TESC: variants seen among roughly 807,000 people sequenced by gnomAD.
TESC encodes tescalcin, also known as calcineurin B homologous protein 3.
A neutral mutation model predicts 31.0 loss-of-function variants in TESC; 19 were observed. The ratio of observed to expected loss-of-function variants is 0.61; its 90% CI spans 0.43 to 0.90. The LOEUF (loss-of-function observed/expected upper bound fraction) is 0.90, where lower values mean the gene tolerates loss of function less well. TESC is among the 40% of genes least tolerant of loss of function. The pLI is 0.00. For missense variants in TESC, 248 were observed against 303.8 expected (o/e 0.82, Z 1.36); for synonymous variants, 109 against 114.8 (o/e 0.95, Z 0.32).
At chr12:117,088,177 T>C (rs1418849243) in intron 1 of TESC, among the ~76,000 whole-genome samples, 1 of 152,172 alleles carries the variant, frequency 6.6e-6, no homozygotes, top group African/African-American at 2.4e-5. Flanking sequence ...ACATATCATT[T>C]ATGTAATTAG....
intron 7 of TESC, 89 bp from the exon 8 acceptor site, chr12:117,039,299 C>A (rs2270794): frequency 8.1e-7 from 1 of 1,241,492 alleles, no homozygotes; most frequent in Admixed American, 2.0e-5. Context: ...TTCCCACCTA[C>A]CGTCTCCTGC....
chr12:117,075,086 C>T (rs1955028884), intron 2 of TESC, among the ~76,000 whole-genome samples, 185 bp downstream of exon 2: 1 of 152,192 alleles, frequency 6.6e-6, no homozygotes, highest in African/African-American at 2.4e-5. Flanking sequence ...GCAGAGCTTG[C>T]AGTGAGCCGA....
At chr12:117,065,365 G>C (rs1352713099) in intron 2 of TESC, among the ~76,000 whole-genome samples, 1 of 152,194 alleles carries the variant, frequency 6.6e-6, no homozygotes, top group Non-Finnish European at 1.5e-5. Context: ...GGCAGTGTTT[G>C]CTGATGAACT....
At chr12:117,056,697 C>G (rs559532686) in intron 3 of TESC, 109 bp downstream of exon 3, 1 of 1,249,798 alleles carries the variant, frequency 8.0e-7, no homozygotes, top group East Asian at 2.3e-5. Context: ...CAGCTTGGCC[C>G]CCTCTTCTGG....
intron 1 of TESC, among the ~76,000 whole-genome samples, chr12:117,079,178 A>G (rs1278147166): frequency 6.6e-6 from 1 of 152,072 alleles, no homozygotes; most frequent in Non-Finnish European, 1.5e-5. Flanking sequence ...CTCCTTTTGT[A>G]TGATCACTTA....
At chr12:117,039,500 T>C (rs1433382529) in intron 7 of TESC, among the ~76,000 whole-genome samples, 1 of 152,234 alleles carries the variant, frequency 6.6e-6, no homozygotes, top group African/African-American at 2.4e-5. Flanking sequence ...TCCAAGGCAT[T>C]TGAATCTCAC....
Position 117,038,991 on chromosome 12 carries a change from A to T in TESC, c.*142T>A, listed in dbSNP as rs969803005. 8 of 821,462 alleles carry T rather than the reference A, an allele frequency of 9.7e-6. No individual in the cohort carries two copies. In the Admixed American group the frequency reaches 1.6e-4, roughly 16 times the overall value. The allele number at this position is 821,462 out of a possible 1,614,324, so 50.9% of individuals were successfully genotyped here. ...AGCGAAGTCCCACATACCATACCCT[A>T]CAAGACACAAGGTGCGCAGACGAGC... On this transcript the variant is annotated 3_prime_UTR_variant, in exon 8 of 8. Coordinates refer to ENST00000335209, the MANE Select transcript of TESC (RefSeq NM_017899.4).
intron 1 of TESC, among the ~76,000 whole-genome samples, chr12:117,086,833 T>C (rs1011707821): frequency 6.6e-6 from 1 of 152,250 alleles, no homozygotes; most frequent in African/African-American, 2.4e-5. Flanking sequence ...ACGTAGGAGA[T>C]GCAGGAGACG....
At position 117,039,128 on chromosome 12, in the gene TESC, G is replaced by C. The variant is rs749208546; in HGVS notation, c.*5C>G. ...GTGCAGTTTCTCCGCGGAGGTGGCG[G>C]TGGGTCAGTGGCAGAGGGCCATGGT... On this transcript the variant is annotated 3_prime_UTR_variant, in exon 8 of 8. Coordinates refer to ENST00000335209, the MANE Select transcript of TESC (RefSeq NM_017899.4). The C allele has an allele frequency of 2.1e-5, 34 of 1,613,914 alleles. 1 individual carries two copies. In the South Asian group the frequency reaches 3.6e-4, roughly 17 times the overall value.
At chr12:117,055,304 G>A (rs1055091271) in intron 3 of TESC, among the ~76,000 whole-genome samples, 1 of 152,114 alleles carries the variant, frequency 6.6e-6, no homozygotes, top group Non-Finnish European at 1.5e-5. Flanking sequence ...ACCACATCTG[G>A]CTAACTTTTG....
In TESC at chr12:117,046,767, C is replaced by G. The variant is rs1371304769; in HGVS notation, c.411+10G>C. The G allele has an allele frequency of 1.9e-6, 3 of 1,560,818 alleles. No individual in the cohort carries two copies. Among genetic ancestry groups the G allele is most frequent in the African/African-American group, 2.7e-5 (2 of 73,682 alleles). ...AGGAGCCCCGGGCGGGCCAGAGGAG[C>G]ATACTTTACATTTCGATATTCTTCC... is the stretch of plus-strand genomic sequence containing the variant. On this transcript the variant is annotated intron_variant, in intron 5 of 7. Transcript: ENST00000335209.
intron 2 of TESC, among the ~76,000 whole-genome samples, chr12:117,065,675 G>T (rs1189059809): frequency 6.6e-6 from 1 of 152,088 alleles, no homozygotes; most frequent in African/African-American, 2.4e-5. Context: ...GACTCCTTGA[G>T]CCCAGGAGTT....
Position 117,049,202 on chromosome 12 carries a change from G to C in TESC, c.210-44C>G, listed in dbSNP as rs145583765. 1.1e-5 allele frequency: 17 copies of C among 1,612,832 alleles called. No individual in the cohort carries two copies. The East Asian group carries it at 3.8e-4, about 36-fold the overall frequency. ...GGGTGTTGGAAATAAATGAAGAACT[G>C]GATCTTGTCCTCTTGCTACCATTAG... On this transcript the variant is annotated intron_variant, in intron 3 of 7. Coordinates refer to ENST00000335209, the MANE Select transcript of TESC (RefSeq NM_017899.4).
intron 3 of TESC, among the ~76,000 whole-genome samples, chr12:117,049,618 G>A (rs750838496): frequency 5.9e-5 from 9 of 151,992 alleles, no homozygotes; most frequent in South Asian, 4.1e-4. Flanking sequence ...AAGACTTTTC[G>A]GGCTGGGTGC....
intron 1 of TESC, among the ~76,000 whole-genome samples, chr12:117,089,126 C>T (rs552995418): frequency 2.0e-4 from 31 of 152,288 alleles, no homozygotes; most frequent in Middle Eastern, 3.4e-3. Context: ...GCTAGGGAGA[C>T]GGCAGGGGAA....
rs201086085 is a variant in TESC, at chr12:117,076,593, G to A, written c.59-1253C>T. 6.6e-5 allele frequency among the ~76,000 whole-genome samples: 10 copies of A among 152,166 alleles called. No individual in the cohort carries two copies. In the East Asian group the frequency reaches 7.8e-4, roughly 12 times the overall value. On this transcript the variant is annotated intron_variant, in intron 1 of 7. Coordinates refer to ENST00000335209, the MANE Select transcript of TESC (RefSeq NM_017899.4). ...CAAGTAGCTGGGATTACAGGCACGC[G>A]CCACCACGCCCAGCTAATTTTTATA...
At chr12:117,061,098 G>C (rs538349836) in intron 2 of TESC, among the ~76,000 whole-genome samples, 11 of 152,240 alleles carry the variant, frequency 7.2e-5, no homozygotes, top group Admixed American at 5.2e-4. Context: ...TTGCAAACAG[G>C]AACCTCACAG....
chr12:117,095,110 T>C (rs577917810), intron 1 of TESC, among the ~76,000 whole-genome samples: 2 of 152,120 alleles, frequency 1.3e-5, no homozygotes, highest in East Asian at 1.9e-4. Flanking sequence ...GAGTTCACTC[T>C]GTCGCCCAGG....
chr12:117,078,565 A>T (rs915246751), intron 1 of TESC, among the ~76,000 whole-genome samples: 11 of 151,604 alleles, frequency 7.3e-5, no homozygotes, highest in Non-Finnish European at 1.6e-4. Flanking sequence ...AGGAAAAAAA[A>T]TTGTTTTTAG....
Sources: gnomAD v4.1 joint callset for allele counts (sites outside exome capture counted in the v4.1 genomes callset) on GRCh38, gnomAD v4.1.1 for gene constraint, MANE v1.5 for transcripts, NCBI Gene and HGNC (gene_info 2026-07-23, HGNC 2026-07-21) for gene names.